Variants in SLC5A2 observed in about 807,000 individuals in gnomAD.
SLC5A2 encodes the protein solute carrier family 5 member 2, also known as sodium/glucose cotransporter 2.
In SLC5A2, 67 loss-of-function variants were observed where a neutral mutation model predicts 69.0. The observed-to-expected ratio is 0.97, with a 90% CI of 0.80 to 1.19. SLC5A2 has a LOEUF of 1.19. Among genes scored for constraint, SLC5A2 ranks in the 50% most tolerant of loss-of-function variants. The probability of loss-of-function intolerance (pLI) is 0.00; values close to 1 mark genes in which losing one functional copy is unlikely to be tolerated. For missense variants in SLC5A2, 1,001 were observed against 921.5 expected, an observed-to-expected ratio of 1.09 and a Z score of -1.12; for synonymous variants, 455 against 395.8, an observed-to-expected ratio of 1.15 and a Z score of -1.78.
At position 31,484,743 on chromosome 16, in the gene SLC5A2, C is replaced by G. The variant is rs746746841; in HGVS notation, c.197C>G (p.Pro66Arg). Residue 66 changes from proline to arginine, a missense_variant and splice_region_variant, in exon 2 of 14, where the codon CCG (proline) becomes CGG (arginine). By Grantham distance (103) the Pro-to-Arg change is moderately radical. Coordinates refer to ENST00000330498, the MANE Select transcript of SLC5A2 (RefSeq NM_003041.4). The stretch of plus-strand genomic sequence containing the variant: ...GCAGGACGCAGCATGGTGTGGTGGC[C>G]GGTGAGACGGGCTGGGCCGGGAACG... ...FLAGRSMVWWPVGASLFASNI... is the reference protein window; with the variant it reads ...FLAGRSMVWWRVGASLFASNI... The G allele has an allele frequency of 3.1e-6, 5 of 1,610,408 alleles. No individual in the cohort carries two copies. The highest frequency in any genetic ancestry group is 4.2e-6 in the Non-Finnish European group (5 of 1,180,030).
intron 1 of SLC5A2, among the ~76,000 whole-genome samples, chr16:31,483,768 AAG>A (rs966312360): frequency 1.3e-5 from 2 of 151,972 alleles, no homozygotes; most frequent in Non-Finnish European, 2.9e-5. Flanking sequence ...TTTACTTTTA[AAG>A]AGAGAGGGGT....
intron 5 of SLC5A2, among the ~76,000 whole-genome samples, 188 bp from the exon 6 acceptor site, chr16:31,487,132 A>G (rs2082502151): frequency 6.6e-6 from 1 of 152,156 alleles, no homozygotes; most frequent in Non-Finnish European, 1.5e-5. Context: ...CCTAAAACTC[A>G]GCCACACTCT....
In SLC5A2 at chr16:31,484,751, C is replaced by A. The variant is rs772585258; in HGVS notation, c.198+7C>A. On this transcript the variant is annotated splice_region_variant and intron_variant, in intron 2 of 13. Coordinates refer to ENST00000330498, the MANE Select transcript of SLC5A2 (RefSeq NM_003041.4). ...CAGCATGGTGTGGTGGCCGGTGAGA[C>A]GGGCTGGGCCGGGAACGGGAGGGGC... The A allele has an allele frequency of 5.9e-5, 95 of 1,610,424 alleles. 1 individual carries two copies. The highest frequency in any genetic ancestry group is 5.7e-4 in the Admixed American group (34 of 60,002).
rs752629971 is a variant in SLC5A2, at chr16:31,490,448, C to T, written c.1932C>T (p.Ser644=). ...CAGCCAGGCGGCTGGAGGACATCAG[C>T]GAGGACCCGAGCTGGGCCCGTGTGG... The part of the protein sequence containing the change: ...AAAARRLEDI[S]EDPSWARVVN... The change falls in exon 14 of 14, where the codon AGC becomes AGT. Residue 644 remains serine (S), a synonymous_variant. Transcript: ENST00000330498. 9.3e-6 allele frequency: 15 copies of T among 1,613,760 alleles called. No homozygotes were observed. The highest frequency in any genetic ancestry group is 2.2e-5 in the East Asian group (1 of 44,896).
chr16:31,489,191 C>A lies in SLC5A2; in HGVS notation c.1518C>A (p.Phe506Leu). 1.9e-6 allele frequency: 3 copies of A among 1,610,372 alleles called. 1 individual carries two copies. The highest frequency in any genetic ancestry group is 2.5e-6 in the Non-Finnish European group (3 of 1,180,020). The stretch of plus-strand genomic sequence containing the variant: ...CACGCCTGATTCCCGAGTTCTCCTT[C>A]GGCTCGGGCAGCTGTGTGCAGCCCT... ...GLARLIPEFS[F>L]GSGSCVQPSA... Residue 506 changes from phenylalanine (F) to leucine (L), a missense_variant, in exon 12 of 14, where the codon TTC becomes TTA. By Grantham distance (22) the Phe-to-Leu change is conservative. Transcript: ENST00000330498.
At chr16:31,486,468 G>T (rs2082496680) in intron 5 of SLC5A2, among the ~76,000 whole-genome samples, 193 bp downstream of exon 5, 2 of 152,102 alleles carry the variant, frequency 1.3e-5, no homozygotes, top group African/African-American at 4.8e-5. Context: ...ATTTTGACTG[G>T]AAGTTCAGAG....
In SLC5A2 at chr16:31,484,888, G is replaced by A; in HGVS notation, c.268G>A (p.Ala90Thr). The A allele has an allele frequency of 6.2e-7, 1 of 1,614,196 alleles. No individual in the cohort carries two copies. Among genetic ancestry groups the A allele is most frequent in the Non-Finnish European group, 8.5e-7 (1 of 1,180,048 alleles). Residue 90 changes from alanine (A) to threonine (T), a missense_variant, in exon 3 of 14, where the codon GCA becomes ACA. Physicochemically the swap from Ala to Thr is moderately conservative, Grantham distance 58 (BLOSUM62 0). Transcript: ENST00000330498. Reference protein sequence around the residue: ...HFVGLAGTGAASGLAVAGFEW... With the variant: ...HFVGLAGTGATSGLAVAGFEW... ...TGTGGGCCTGGCAGGGACTGGCGCT[G>A]CAAGTGGCTTGGCTGTTGCTGGATT...
At position 31,490,477 on chromosome 16, in the gene SLC5A2, A is replaced by T; in HGVS notation, c.1961A>T (p.Asn654Ile). ...SEDPSWARVV[N>I]LNALLMMAVA... ...GACCCGAGCTGGGCCCGTGTGGTCA[A>T]CCTCAATGCCCTGCTCATGATGGCA... is the stretch of plus-strand genomic sequence containing the variant. The change falls in exon 14 of 14, where the codon AAC (asparagine) becomes ATC (isoleucine). Residue 654 changes from asparagine (N) to isoleucine (I), a missense_variant. Asn to Ile is a moderately radical substitution (Grantham distance 149). Transcript: ENST00000330498. 1 of 1,613,970 alleles carries T rather than the reference A, an allele frequency of 6.2e-7. No homozygotes were observed. Among genetic ancestry groups the T allele is most frequent in the Non-Finnish European group, 8.5e-7 (1 of 1,179,984 alleles).
Position 31,489,301 on chromosome 16 carries a change from CG to C in SLC5A2, c.1630del (p.Val544SerfsTer53), listed in dbSNP as rs1234223345. ...LFFCSGLLTL[T>X]VSLCTAPIPR... ...TTCTGCTCTGGCCTCCTCACCCTCA[CG>C]GTCTCCCTGTGCACCGCGCCCATCC... On this transcript the variant is annotated frameshift_variant, in exon 12 of 14. Coordinates refer to ENST00000330498, the MANE Select transcript of SLC5A2 (RefSeq NM_003041.4). LOFTEE classifies it high-confidence loss of function. 9 of 1,610,220 alleles carry C rather than the reference CG, an allele frequency of 5.6e-6. No homozygotes were observed.
rs1055355510 is a variant in SLC5A2, at chr16:31,488,042, T to C, written c.890T>C (p.Ile297Thr). Residue 297 changes from isoleucine (I) to threonine (T), a missense_variant, in exon 8 of 14, where the codon ATC (isoleucine) becomes ACC (threonine). Ile to Thr is a moderately conservative substitution (Grantham distance 89, BLOSUM62 -1). Coordinates refer to ENST00000330498, the MANE Select transcript of SLC5A2 (RefSeq NM_003041.4). Reference protein sequence around the residue: ...SGWYWCSDQVIVQRCLAGKSL... With the variant: ...SGWYWCSDQVTVQRCLAGKSL... ...AGCTGAACGCCCCTCCCGTAGGTCA[T>C]CGTGCAGCGCTGCCTGGCCGGGAAG... 5 of 1,613,368 alleles carry C rather than the reference T, an allele frequency of 3.1e-6. No homozygotes were observed. Among genetic ancestry groups the C allele is most frequent in the Non-Finnish European group, 4.2e-6 (5 of 1,179,914 alleles).
rs1567387460 is a variant in SLC5A2, at chr16:31,484,731, TG to T, written c.187del (p.Val63CysfsTer56). On this transcript the variant is annotated frameshift_variant, in exon 2 of 14. Transcript: ENST00000330498. LOFTEE classifies it high-confidence loss of function. ...VGGYFLAGRSMVWWPVGASLF... is the reference protein window; with the variant it reads ...VGGYFLAGRSXVWWPVGASLF... ...GGCTACTTCCTGGCAGGACGCAGCA[TG>T]GTGTGGTGGCCGGTGAGACGGGCTG... 9.9e-6 allele frequency: 16 copies of T among 1,610,366 alleles called. No homozygotes were observed. Among genetic ancestry groups the T allele is most frequent in the Non-Finnish European group, 1.4e-5 (16 of 1,179,990 alleles).
intron 3 of SLC5A2, 27 bp from the exon 4 acceptor site, chr16:31,485,702 C>T (rs2082489256): frequency 6.2e-7 from 1 of 1,610,388 alleles, no homozygotes; most frequent in Non-Finnish European, 8.5e-7. Context: ...GCAAAGCCAC[C>T]CTCAGCGGCA....
chr16:31,488,543 G>A (rs1329347964), intron 9 of SLC5A2, 53 bp downstream of exon 9: 2 of 1,602,526 alleles, frequency 1.2e-6, no homozygotes, highest in East Asian at 4.5e-5. Context: ...CCCGCTGCTG[G>A]GAGGGGTCGT....
At position 31,488,643 on chromosome 16, in the gene SLC5A2, CGGTCATGCTG is replaced by C. The variant is rs2082523114; in HGVS notation, c.1153_1162del (p.Val385ProfsTer48). ...GCAGGTCTGCGCGGACTCATGCTGG[CGGTCATGCTG>C]GCCGCGCTCATGTCCTCGCTGGCCT... On this transcript the variant is annotated frameshift_variant, in exon 10 of 14. Transcript: ENST00000330498. LOFTEE classifies it high-confidence loss of function. 1.2e-6 allele frequency: 2 copies of C among 1,611,344 alleles called. No homozygotes were observed. The highest frequency in any genetic ancestry group is 1.7e-6 in the Non-Finnish European group (2 of 1,179,036).
chr16:31,488,561 G>A (rs1596620245), intron 9 of SLC5A2, 61 bp from the exon 10 acceptor site: 2 of 1,605,326 alleles, frequency 1.2e-6, no homozygotes, highest in African/African-American at 2.7e-5. Context: ...CGTCCCTCGC[G>A]CAGCTGCAGC....
At position 31,489,422 on chromosome 16, in the gene SLC5A2, G is replaced by A. The variant is rs923771306; in HGVS notation, c.1665+84G>A. 66 of 1,260,104 alleles carry A rather than the reference G, an allele frequency of 5.2e-5. No individual in the cohort carries two copies. In the African/African-American group the frequency reaches 9.6e-4, roughly 18 times the overall value. 78.1% of individuals were successfully genotyped at this position (1,260,104 alleles called of 1,614,324 possible). A position where few individuals can be genotyped will look rare whatever the true frequency, so the allele number is the denominator to read the frequency against. On this transcript the variant is annotated intron_variant, in intron 12 of 13. Coordinates refer to ENST00000330498, the MANE Select transcript of SLC5A2 (RefSeq NM_003041.4). ...CTGGAGTGCCCAGCTGGGAGGACCTGAATTTCTCGACTGAGGGTTGGGAAT... is the reference window on the plus strand; with the variant it reads ...CTGGAGTGCCCAGCTGGGAGGACCTAAATTTCTCGACTGAGGGTTGGGAAT...
At position 31,488,986 on chromosome 16, in the gene SLC5A2, C is replaced by T. The variant is rs1292011694; in HGVS notation, c.1387C>T (p.Leu463=). 9 of 1,601,146 alleles carry T rather than the reference C, an allele frequency of 5.6e-6. No individual in the cohort carries two copies. The highest frequency in any genetic ancestry group is 7.6e-6 in the Non-Finnish European group (9 of 1,179,870). The change falls in exon 11 of 14, where the codon CTG becomes TTG. Residue 463 remains leucine, a synonymous_variant. Transcript: ENST00000330498. ...FDYIQAVSSY[L]APPVSAVFVL... ...TTACATCCAGGCAGTCTCTAGCTAC[C>T]TGGCACCGCCCGTGTCCGCCGTCTT...
At position 31,488,630 on chromosome 16, in the gene SLC5A2, G is replaced by C. The variant is rs1316904447; in HGVS notation, c.1138G>C (p.Gly380Arg). The C allele has an allele frequency of 6.2e-7, 1 of 1,611,392 alleles. No homozygotes were observed. The change falls in exon 10 of 14, where the codon GGA becomes CGA. Residue 380 changes from glycine (G) to arginine (R), a missense_variant. Gly to Arg is a moderately radical substitution (Grantham distance 125). Coordinates refer to ENST00000330498, the MANE Select transcript of SLC5A2 (RefSeq NM_003041.4). ...CTGCCGTCGGCCCGCAGGTCTGCGC[G>C]GACTCATGCTGGCGGTCATGCTGGC... ...VVKLMPNGLR[G>R]LMLAVMLAAL...
At chr16:31,489,856 G>T (rs2082545072) in intron 12 of SLC5A2, 3 of 537,724 alleles carry the variant, frequency 5.6e-6, no homozygotes, top group East Asian at 3.6e-5. Context: ...GGTGTAGACA[G>T]ACCTGAGCTG....
Sources: gnomAD v4.1 joint callset for allele counts (sites outside exome capture counted in the v4.1 genomes callset) on GRCh38, gnomAD v4.1.1 for gene constraint, MANE v1.5 for transcripts, NCBI Gene and HGNC (gene_info 2026-07-23, HGNC 2026-07-21) for gene names.